SNX24: variants seen among roughly 807,000 people sequenced by gnomAD.
The protein encoded by SNX24 is sorting nexin-24.
A neutral mutation model predicts 28.7 loss-of-function variants in SNX24; 22 were observed. That is an observed-to-expected ratio of 0.77 (90% CI 0.55 to 1.10). SNX24 has a LOEUF of 1.10. SNX24 is among the 50% of genes least tolerant of loss of function. The probability of loss-of-function intolerance (pLI) is 0.00; values close to 1 mark genes in which losing one functional copy is unlikely to be tolerated. For missense variants in SNX24, 221 were observed against 201.1 expected, an observed-to-expected ratio of 1.10 and a Z score of -0.60; for synonymous variants, 69 against 71.5, an observed-to-expected ratio of 0.96 and a Z score of 0.18.
chr5:122,927,614 A>G (rs1275528022), intron 1 of SNX24, among the ~76,000 whole-genome samples: 1 of 152,250 alleles, frequency 6.6e-6, no homozygotes, highest in East Asian at 1.9e-4. Flanking sequence ...AGACAGGTAT[A>G]GGAGTTAGAA....
intron 1 of SNX24, among the ~76,000 whole-genome samples, chr5:122,868,227 T>G (rs1043541465): frequency 1.3e-5 from 2 of 152,150 alleles, no homozygotes; most frequent in Non-Finnish European, 2.9e-5. Context: ...ACTTGTGCCT[T>G]TAGGGCCTGC....
intron 1 of SNX24, among the ~76,000 whole-genome samples, chr5:122,890,182 ATGGTATC>A (rs1164841505): frequency 6.6e-6 from 1 of 152,148 alleles, no homozygotes; most frequent in East Asian, 1.9e-4. Flanking sequence ...TCAGAGGCAC[ATGGTATC>A]TGTCTGCCCC....
At chr5:122,936,169 G>C (rs1759170308) in intron 1 of SNX24, among the ~76,000 whole-genome samples, 1 of 152,170 alleles carries the variant, frequency 6.6e-6, no homozygotes, top group African/African-American at 2.4e-5. Flanking sequence ...CTTGTATCAT[G>C]CAGGGAAAAT....
At chr5:122,977,041 C>T (rs10072416) in intron 3 of SNX24, among the ~76,000 whole-genome samples, 55,092 of 151,810 alleles carry the variant, frequency 0.36, 10,744 homozygotes, top group African/African-American at 0.48. Context: ...TTTGGTAGTG[C>T]ATTGCACTGT....
chr5:123,028,769 C>T (rs545365217), intron 5 of SNX24: 14 of 1,604,718 alleles, frequency 8.7e-6, no homozygotes, highest in Middle Eastern at 1.7e-4. Flanking sequence ...AATGCAAAGA[C>T]GTTACCCCCA....
chr5:123,026,015 A>T (rs1043665719), intron 5 of SNX24: 2 of 1,501,748 alleles, frequency 1.3e-6, no homozygotes, highest in Non-Finnish European at 1.8e-6. Context: ...TCCAAAAGTC[A>T]GCTCTTCAAA....
chr5:122,919,518 G>A (rs1240445939), intron 1 of SNX24, among the ~76,000 whole-genome samples: 3 of 151,634 alleles, frequency 2.0e-5, no homozygotes, highest in African/African-American at 4.8e-5. Context: ...AGTAGCTTCT[G>A]TAGTAGTTGA....
intron 3 of SNX24, among the ~76,000 whole-genome samples, chr5:122,950,711 A>G (rs1759901509): frequency 6.6e-6 from 1 of 152,138 alleles, no homozygotes; most frequent in Non-Finnish European, 1.5e-5. Context: ...CAACCATCCC[A>G]CTGAGTTAAG....
intron 1 of SNX24, among the ~76,000 whole-genome samples, chr5:122,917,149 C>T (rs546705071): frequency 9.3e-5 from 14 of 151,144 alleles, no homozygotes; most frequent in Non-Finnish European, 1.6e-4. Context: ...CACCTGTAGT[C>T]GAGAGGCTGA....
chr5:122,868,455 T>A (rs1000750945), intron 1 of SNX24, among the ~76,000 whole-genome samples: 1 of 152,078 alleles, frequency 6.6e-6, no homozygotes, highest in African/African-American at 2.4e-5. Context: ...TTCATAGAGG[T>A]AGGCAGGGCT....
chr5:123,001,695 G>A (rs1358192010), intron 5 of SNX24, among the ~76,000 whole-genome samples: 2 of 152,162 alleles, frequency 1.3e-5, no homozygotes, highest in Non-Finnish European at 2.9e-5. Context: ...AGGAAATCAC[G>A]TTTCAGCAAT....
downstream of SNX24, among the ~76,000 whole-genome samples, chr5:123,010,721 G>T: frequency 6.6e-6 from 1 of 152,030 alleles, no homozygotes; most frequent in Non-Finnish European, 1.5e-5. Flanking sequence ...TACTTAATGT[G>T]TCTGTACTTA....
intron 1 of SNX24, among the ~76,000 whole-genome samples, chr5:122,878,047 G>A (rs1175624995): frequency 1.3e-5 from 2 of 152,178 alleles, no homozygotes; most frequent in East Asian, 1.9e-4. Flanking sequence ...ATCCACACAA[G>A]GGAATGATGG....
Position 123,024,566 on chromosome 5 carries a change from C to G in SNX24, n.384-4672C>G, listed in dbSNP as rs45536937. Reference sequence around the variant, plus strand: ...GTGCTGTGAAGGCACCTTTCTCTACCCTGGAAGGCTTCACAAGCCCAACAG... The same window carrying G: ...GTGCTGTGAAGGCACCTTTCTCTACGCTGGAAGGCTTCACAAGCCCAACAG... On this transcript the variant is annotated intron_variant and non_coding_transcript_variant, in intron 5 of 5. Coordinates refer to the SNX24 transcript ENST00000502387. Among the ~76,000 whole-genome samples the G allele has an allele frequency of 5.4e-3, 819 of 152,278 alleles. 4 individuals are homozygous for G. Among genetic ancestry groups the G allele is most frequent in the African/African-American group, 0.019 (788 of 41,544 alleles).
rs190765420 is a variant in SNX24, at chr5:122,950,198, T to G, written c.249+4039T>G. ...GGTCTATGCCAAATAAAGAGTTTTCTGTTAAACTTTTATTTTTCCAAATTA... is the reference window on the plus strand; with the variant it reads ...GGTCTATGCCAAATAAAGAGTTTTCGGTTAAACTTTTATTTTTCCAAATTA... On this transcript the variant is annotated intron_variant, in intron 3 of 6. Coordinates refer to ENST00000261369, the MANE Select transcript of SNX24 (RefSeq NM_014035.4). Among the ~76,000 whole-genome samples, 650 of 152,330 alleles carry G rather than the reference T, an allele frequency of 4.3e-3. 5 individuals carry two copies. The highest frequency in any genetic ancestry group is 0.015 in the African/African-American group (618 of 41,580).
intron 1 of SNX24, among the ~76,000 whole-genome samples, chr5:122,909,321 G>A (rs951396754): frequency 1.3e-4 from 20 of 152,134 alleles, no homozygotes; most frequent in South Asian, 2.1e-4. Context: ...GCCAGGTACC[G>A]TACTCTGCTT....
At chr5:122,941,037 TCTC>T (rs1759422749) in intron 2 of SNX24, among the ~76,000 whole-genome samples, 1 of 152,108 alleles carries the variant, frequency 6.6e-6, no homozygotes, top group African/African-American at 2.4e-5. Flanking sequence ...TTTCATCACC[TCTC>T]CTCTGACTTG....
intron 5 of SNX24, among the ~76,000 whole-genome samples, chr5:123,024,769 T>C (rs1433639393): frequency 6.6e-6 from 1 of 152,090 alleles, no homozygotes; most frequent in African/African-American, 2.4e-5. Context: ...TTTATTTACA[T>C]TTGGATGAGG....
chr5:122,853,528 C>T (rs1755035714), intron 1 of SNX24: 1 of 250,724 alleles, frequency 4.0e-6, no homozygotes, highest in Admixed American at 4.5e-5. Context: ...TTAAAATAGG[C>T]ACAAGAGGAT....
Sources: gnomAD v4.1 joint callset for allele counts (sites outside exome capture counted in the v4.1 genomes callset) on GRCh38, gnomAD v4.1.1 for gene constraint, MANE v1.5 for transcripts, NCBI Gene and HGNC (gene_info 2026-07-23, HGNC 2026-07-21) for gene names.